The following LRP1B variants were observed in gnomAD, a reference collection of about 807,000 sequenced individuals.
LRP1B encodes the protein low-density lipoprotein receptor-related protein 1B.
LRP1B carries 217 observed loss-of-function variants against 556.6 expected under a neutral mutation model. The ratio of observed to expected loss-of-function variants is 0.39; its 90% CI spans 0.35 to 0.44. The LOEUF (loss-of-function observed/expected upper bound fraction) is 0.44, where lower values mean the gene tolerates loss of function less well. Ranked by LOEUF, LRP1B falls within the 20% of genes least tolerant of loss-of-function variation. The pLI, the probability that LRP1B is intolerant of heterozygous loss-of-function variation, is 1.00. For synonymous variants in LRP1B, 2,047 were observed against 1,865.8 expected, an observed-to-expected ratio of 1.10 and a Z score of -2.50; for missense variants, 5,053 against 5,620.8, an observed-to-expected ratio of 0.90 and a Z score of 3.23.
intron 7 of LRP1B, among the ~76,000 whole-genome samples, chr2:141,153,553 C>T (rs1379632316): frequency 2.5e-5 from 3 of 118,944 alleles, no homozygotes; most frequent in Admixed American, 1.0e-4. Context: ...TATATATTAG[C>T]TATATATATT....
At chr2:140,986,744 T>G (rs959009609) in intron 17 of LRP1B, among the ~76,000 whole-genome samples, 1 of 152,188 alleles carries the variant, frequency 6.6e-6, no homozygotes, top group Non-Finnish European at 1.5e-5. Flanking sequence ...CAGTCTTCAC[T>G]CTTAGCTTCT....
intron 2 of LRP1B, among the ~76,000 whole-genome samples, chr2:141,708,909 A>T (rs891642951): frequency 1.3e-5 from 2 of 152,130 alleles, no homozygotes; most frequent in African/African-American, 4.8e-5. Context: ...ACCTGCTAAT[A>T]CCTTGATCTT....
chr2:140,601,526 C>G lies in LRP1B; in HGVS notation c.6913G>C (p.Ala2305Pro), dbSNP rs1682671654. 1 of 1,613,264 alleles carries G rather than the reference C, an allele frequency of 6.2e-7. No homozygotes were observed. Among genetic ancestry groups the G allele is most frequent in the Non-Finnish European group, 8.5e-7 (1 of 1,179,520 alleles). Residue 2305 changes from alanine (A) to proline (P), a missense_variant, in exon 42 of 91, where the codon GCA becomes CCA. Coordinates refer to ENST00000389484, the MANE Select transcript of LRP1B (RefSeq NM_018557.3). ...GTGATGACAGCTTCCCTGTCAAATG[C>G]TCCAGGCCGAGTCTGGTCCACAGTG... ...RHTVDQTRPG[A>P]FDREAVITMS...
At chr2:141,979,213 C>A (rs1701974440) in intron 1 of LRP1B, among the ~76,000 whole-genome samples, 1 of 151,994 alleles carries the variant, frequency 6.6e-6, no homozygotes, top group African/African-American at 2.4e-5. Flanking sequence ...TTGTACAACT[C>A]CTCACAATTA....
At chr2:142,019,478 A>G (rs1017442219) in intron 1 of LRP1B, among the ~76,000 whole-genome samples, 1 of 152,036 alleles carries the variant, frequency 6.6e-6, no homozygotes, top group African/African-American at 2.4e-5. Context: ...CTTCAATGCT[A>G]TTACTCACTC....
intron 3 of LRP1B, among the ~76,000 whole-genome samples, chr2:141,323,921 CCA>C (rs57844457): frequency 0.018 from 2,333 of 129,926 alleles, 85 homozygotes; most frequent in African/African-American, 0.064. Flanking sequence ...AACGAGGAAA[CCA>C]CACACACACA....
intron 5 of LRP1B, among the ~76,000 whole-genome samples, chr2:141,246,986 A>T (rs1045958038): frequency 3.4e-4 from 52 of 152,066 alleles, no homozygotes; most frequent in Non-Finnish European, 1.0e-4. Context: ...AAAAAAAGAA[A>T]GGAAGGAAGG....
At chr2:141,034,609 CTCA>C (rs543265997) in intron 11 of LRP1B, among the ~76,000 whole-genome samples, 2,161 of 151,988 alleles carry the variant, frequency 0.014, 52 homozygotes, top group African/African-American at 0.048. Context: ...TGAAAAAATG[CTCA>C]TCATCACTGG....
At chr2:140,323,028 ACT>A (rs750293478) in intron 81 of LRP1B, among the ~76,000 whole-genome samples, 10 of 151,820 alleles carry the variant, frequency 6.6e-5, no homozygotes, top group Non-Finnish European at 1.3e-4. Context: ...GTTTTAGGAA[ACT>A]CTATTTGGTT....
intron 29 of LRP1B, among the ~76,000 whole-genome samples, chr2:140,847,858 T>C (rs1692322627): frequency 6.6e-6 from 1 of 152,180 alleles, no homozygotes; most frequent in Non-Finnish European, 1.5e-5. Context: ...TATGTATTAA[T>C]TATTAGTGAG....
At chr2:140,496,120 C>A (rs1688916725) in intron 55 of LRP1B, among the ~76,000 whole-genome samples, 1 of 152,068 alleles carries the variant, frequency 6.6e-6, no homozygotes, top group African/African-American at 2.4e-5. Context: ...AAGAATTAAT[C>A]CTTACATGGA....
intron 2 of LRP1B, among the ~76,000 whole-genome samples, chr2:141,518,488 G>A (rs1684406861): frequency 1.3e-5 from 2 of 152,076 alleles, no homozygotes; most frequent in South Asian, 4.1e-4. Context: ...TTCACTTTGG[G>A]TGTTTTCCCC....
intron 1 of LRP1B, among the ~76,000 whole-genome samples, chr2:141,850,715 A>G (rs1441026660): frequency 6.6e-6 from 1 of 150,958 alleles, no homozygotes; most frequent in Non-Finnish European, 1.5e-5. Flanking sequence ...CAATAGGTGG[A>G]GGAAAATAGG....
chr2:141,328,216 G>A (rs1162488884), intron 3 of LRP1B, among the ~76,000 whole-genome samples: 1 of 152,084 alleles, frequency 6.6e-6, no homozygotes, highest in Non-Finnish European at 1.5e-5. Context: ...TTAATGCAGT[G>A]GGTAAGAACA....
At chr2:141,270,350 G>A (rs778641013) in intron 3 of LRP1B, among the ~76,000 whole-genome samples, 1 of 152,032 alleles carries the variant, frequency 6.6e-6, no homozygotes, top group Non-Finnish European at 1.5e-5. Context: ...TGCATTGGTG[G>A]TAGAGAGGTA....
chr2:141,480,840 T>C (rs550870062), intron 2 of LRP1B, among the ~76,000 whole-genome samples: 2 of 152,326 alleles, frequency 1.3e-5, no homozygotes, highest in East Asian at 3.9e-4. Flanking sequence ...TTTCATCTCA[T>C]ATCCCTAGAT....
intron 6 of LRP1B, among the ~76,000 whole-genome samples, chr2:141,220,245 G>A (rs1219664015): frequency 6.6e-6 from 1 of 152,182 alleles, no homozygotes; most frequent in African/African-American, 2.4e-5. Flanking sequence ...ACCTGAAGGA[G>A]CTGAAAACAC....
chr2:141,053,077 T>C (rs1049198418), intron 10 of LRP1B, among the ~76,000 whole-genome samples: 1 of 152,084 alleles, frequency 6.6e-6, no homozygotes, highest in African/African-American at 2.4e-5. Context: ...CCCATTATTT[T>C]CTTTGGTCAT....
intron 6 of LRP1B, among the ~76,000 whole-genome samples, chr2:141,201,985 A>G (rs113212201): frequency 0.015 from 2,258 of 152,350 alleles, 34 homozygotes; most frequent in Middle Eastern, 0.034. Flanking sequence ...GTTCAGTGGT[A>G]CATATGGAGG....
Sources: allele counts gnomAD v4.1 joint callset (sites outside exome capture counted in the v4.1 genomes callset), GRCh38; gene constraint gnomAD v4.1.1; transcripts MANE v1.5; gene names NCBI Gene and HGNC (gene_info 2026-07-23, HGNC 2026-07-21).